Variants in GNAQ observed in about 807,000 individuals in gnomAD.
GNAQ encodes guanine nucleotide-binding protein G(q) subunit alpha.
Under a neutral mutation model 43.9 loss-of-function variants are expected in GNAQ, and 8 were observed. That is an observed-to-expected ratio of 0.18 (90% CI 0.11 to 0.33). GNAQ has a LOEUF of 0.33. GNAQ is among the 10% of genes least tolerant of loss of function. The probability of loss-of-function intolerance (pLI) is 1.00; values close to 1 mark genes in which losing one functional copy is unlikely to be tolerated. For missense variants in GNAQ, 158 were observed against 450.8 expected, an observed-to-expected ratio of 0.35 and a Z score of 5.88; for synonymous variants, 155 against 170.7, an observed-to-expected ratio of 0.91 and a Z score of 0.71.
At chr9:77,904,317 C>CTTTTTTTTTTTTTTTTTTTT (rs554783626) in intron 2 of GNAQ, among the ~76,000 whole-genome samples, 1 of 77,406 alleles carries the variant, frequency 1.3e-5, no homozygotes, top group Admixed American at 1.9e-4. Flanking sequence ...TTCACACCGG[C>CTTTTTTTTTTTTTTTTTTTT]TTTTTTTTTT....
chr9:77,807,048 A>G (rs1375491102), intron 3 of GNAQ, among the ~76,000 whole-genome samples: 1 of 152,184 alleles, frequency 6.6e-6, no homozygotes, highest in Admixed American at 6.5e-5. Context: ...TTTCATTTTG[A>G]CAAGGATGAT....
chr9:77,991,400 G>A (rs1046861929), intron 1 of GNAQ, among the ~76,000 whole-genome samples: 2 of 152,036 alleles, frequency 1.3e-5, no homozygotes, highest in East Asian at 1.9e-4. Context: ...TGTTGGTCAC[G>A]TTTCAACAAT....
intron 1 of GNAQ, among the ~76,000 whole-genome samples, chr9:77,951,438 G>A (rs1822976934): frequency 6.6e-6 from 1 of 152,092 alleles, no homozygotes; most frequent in South Asian, 2.1e-4. Context: ...CTAAAGATAT[G>A]TTTGGACTCA....
chr9:77,833,157 G>A (rs971633428), intron 2 of GNAQ, among the ~76,000 whole-genome samples: 2 of 151,868 alleles, frequency 1.3e-5, no homozygotes, highest in African/African-American at 2.4e-5. Context: ...TTGTAGAGAC[G>A]GGGATTCACC....
intron 2 of GNAQ, among the ~76,000 whole-genome samples, chr9:77,846,483 T>C (rs1480982212): frequency 1.3e-5 from 2 of 152,120 alleles, no homozygotes; most frequent in Non-Finnish European, 1.5e-5. Flanking sequence ...GTGGTCCTTA[T>C]GGGTGTGCAA....
At chr9:77,826,924 A>T (rs901904822) in intron 2 of GNAQ, among the ~76,000 whole-genome samples, 3 of 152,198 alleles carry the variant, frequency 2.0e-5, no homozygotes, top group Non-Finnish European at 2.9e-5. Flanking sequence ...TTTGGGTGTA[A>T]GATCTTTGGG....
At chr9:77,991,873 C>T (rs1823512258) in intron 1 of GNAQ, among the ~76,000 whole-genome samples, 1 of 152,220 alleles carries the variant, frequency 6.6e-6, no homozygotes, top group African/African-American at 2.4e-5. Context: ...CCAGCTCCAT[C>T]CAAGTTGCTG....
rs903395722 is a variant in GNAQ, at chr9:77,716,154, G to A, written c.*5169C>T. 1 of 194,848 alleles carries A rather than the reference G, an allele frequency of 5.1e-6. No individual in the cohort carries two copies. Among genetic ancestry groups the A allele is most frequent in the African/African-American group, 2.3e-5 (1 of 42,764 alleles). 12.1% of individuals were successfully genotyped at this position (194,848 alleles called of 1,614,324 possible). A position where few individuals can be genotyped will look rare whatever the true frequency, so the allele number is the denominator to read the frequency against. ...ATTTTGGAAAATGCAATATGCACAA[G>A]GTGTGTTAAGGAAGGAAAGATGTAT... On this transcript the variant is annotated 3_prime_UTR_variant, in exon 7 of 7. Coordinates refer to ENST00000286548, the MANE Select transcript of GNAQ (RefSeq NM_002072.5).
At chr9:77,931,959 T>TG (rs1564155455) in intron 1 of GNAQ, among the ~76,000 whole-genome samples, 1 of 149,662 alleles carries the variant, frequency 6.7e-6, no homozygotes, top group Non-Finnish European at 1.5e-5. Flanking sequence ...CAGGGTTGGG[T>TG]GGGGGGACAA....
chr9:77,789,634 T>C (rs1464217496), intron 5 of GNAQ, among the ~76,000 whole-genome samples: 1 of 152,166 alleles, frequency 6.6e-6, no homozygotes, highest in African/African-American at 2.4e-5. Flanking sequence ...ATCCAAATAA[T>C]AATTTTATAT....
At chr9:77,923,001 C>T (rs765881502) in intron 1 of GNAQ, among the ~76,000 whole-genome samples, 10 of 150,080 alleles carry the variant, frequency 6.7e-5, no homozygotes, top group Non-Finnish European at 1.2e-4. Context: ...GCATGCACTA[C>T]GATGCCCAGC....
intron 1 of GNAQ, among the ~76,000 whole-genome samples, chr9:77,979,021 C>CT (rs1400461344): frequency 6.6e-6 from 1 of 152,248 alleles, no homozygotes; most frequent in African/African-American, 2.4e-5. Context: ...TGCCACTGTA[C>CT]TCCAGCCTGA....
chr9:77,965,860 G>GT, intron 1 of GNAQ, among the ~76,000 whole-genome samples: 1 of 148,870 alleles, frequency 6.7e-6, no homozygotes, highest in African/African-American at 2.5e-5. Context: ...AAAAAGGCAC[G>GT]TATCTATCAA....
chr9:77,959,764 A>G (rs1823085539), intron 1 of GNAQ, among the ~76,000 whole-genome samples: 1 of 152,184 alleles, frequency 6.6e-6, no homozygotes, highest in African/African-American at 2.4e-5. Flanking sequence ...AAATCAGAAG[A>G]GTCTCCTTTC....
At chr9:77,754,578 G>C (rs944192727) in intron 5 of GNAQ, among the ~76,000 whole-genome samples, 1 of 152,122 alleles carries the variant, frequency 6.6e-6, no homozygotes, top group Non-Finnish European at 1.5e-5. Flanking sequence ...ATCAATGGCA[G>C]ATATAATGTG....
At position 77,728,662 on chromosome 9, in the gene GNAQ, T is replaced by C. The variant is rs752694530; in HGVS notation, c.741A>G (p.Arg247=). The change falls in exon 6 of 7, where the codon CGA becomes CGG. Residue 247 remains arginine, a synonymous_variant. Transcript: ENST00000286548. ...QVLVESDNEN[R]MEESKALFRT... ...TAAAGAGAGCCTTGCTTTCCTCCAT[T>C]CGGTTCTGGAAAAAAAAAAAAAATC... 2.6e-6 allele frequency: 4 copies of C among 1,548,798 alleles called. No individual in the cohort carries two copies. Among genetic ancestry groups the C allele is most frequent in the Middle Eastern group, 1.7e-4 (1 of 5,866 alleles).
At chr9:77,739,674 A>G (rs1488186346) in intron 5 of GNAQ, among the ~76,000 whole-genome samples, 2 of 152,230 alleles carry the variant, frequency 1.3e-5, no homozygotes, top group African/African-American at 2.4e-5. Context: ...TGCTGAATAT[A>G]AGCCACTGCC....
At position 77,720,078 on chromosome 9, in the gene GNAQ, C is replaced by A. The variant is rs1825286649; in HGVS notation, c.*1245G>T. The A allele has an allele frequency of 8.6e-6, 2 of 232,616 alleles. No homozygotes were observed. Among genetic ancestry groups the A allele is most frequent in the Admixed American group, 5.6e-5 (1 of 17,750 alleles). 14.4% of individuals were successfully genotyped at this position (232,616 alleles called of 1,614,324 possible). A position where few individuals can be genotyped will look rare whatever the true frequency, so the allele number is the denominator to read the frequency against. On this transcript the variant is annotated 3_prime_UTR_variant, in exon 7 of 7. Coordinates refer to ENST00000286548, the MANE Select transcript of GNAQ (RefSeq NM_002072.5). ...ATTTCCTGTTAAACCACACAGGATA[C>A]TTTTTACATTGCCGGTTTGGACACT... is the stretch of plus-strand genomic sequence containing the variant.
At chr9:77,908,175 G>A (rs1223870582) in intron 2 of GNAQ, among the ~76,000 whole-genome samples, 3 of 152,166 alleles carry the variant, frequency 2.0e-5, no homozygotes, top group African/African-American at 7.2e-5. Flanking sequence ...TGCCTCTTTC[G>A]TTATTCGACT....
Sources: gnomAD v4.1 joint callset for allele counts (sites outside exome capture counted in the v4.1 genomes callset) on GRCh38, gnomAD v4.1.1 for gene constraint, MANE v1.5 for transcripts, NCBI Gene and HGNC (gene_info 2026-07-23, HGNC 2026-07-21) for gene names.